Variants in MAD1L1 observed in about 807,000 individuals in gnomAD.
MAD1L1 encodes the protein mitotic spindle assembly checkpoint protein MAD1.
In MAD1L1, 95 loss-of-function variants were observed where a neutral mutation model predicts 96.9. The ratio of observed to expected loss-of-function variants is 0.98; its 90% CI spans 0.83 to 1.16. MAD1L1 has a LOEUF of 1.16. Ranked by LOEUF, MAD1L1 falls within the 50% of genes most tolerant of loss-of-function variation. The pLI is 0.00. For missense variants in MAD1L1, 1,007 were observed against 954.4 expected, an observed-to-expected ratio of 1.06 and a Z score of -0.73; for synonymous variants, 473 against 396.6, an observed-to-expected ratio of 1.19 and a Z score of -2.29.
intron 14 of MAD1L1, among the ~76,000 whole-genome samples, chr7:1,997,533 C>T (rs553609865): frequency 7.9e-5 from 12 of 152,394 alleles, no homozygotes; most frequent in Admixed American, 3.3e-4. Flanking sequence ...GGCGAGCTCC[C>T]GCTCAGGTTC....
At chr7:2,045,969 C>T (rs1291126779) in intron 12 of MAD1L1, among the ~76,000 whole-genome samples, 1 of 152,226 alleles carries the variant, frequency 6.6e-6, no homozygotes, top group Non-Finnish European at 1.5e-5. Context: ...CAGCCCTGCT[C>T]CCTGAGGGCC....
At chr7:1,829,875 A>T (rs1782620707) in intron 18 of MAD1L1, among the ~76,000 whole-genome samples, 1 of 152,262 alleles carries the variant, frequency 6.6e-6, no homozygotes, top group Non-Finnish European at 1.5e-5. Context: ...TGAGAATGAC[A>T]GCAGACTTCT....
chr7:2,153,150 C>G (rs1789662943), intron 10 of MAD1L1, among the ~76,000 whole-genome samples: 1 of 152,038 alleles, frequency 6.6e-6, no homozygotes, highest in South Asian at 2.1e-4. Context: ...GCTAAGACCT[C>G]AAAAGCACAG....
intron 11 of MAD1L1, among the ~76,000 whole-genome samples, chr7:2,101,866 A>C (rs1370062355): frequency 6.6e-6 from 1 of 152,150 alleles, no homozygotes; most frequent in African/African-American, 2.4e-5. Flanking sequence ...CCCACGCCTG[A>C]CACATGCTGG....
chr7:2,046,801 G>A (rs557965593), intron 12 of MAD1L1, among the ~76,000 whole-genome samples: 174 of 152,272 alleles, frequency 1.1e-3, no homozygotes, highest in African/African-American at 3.8e-3. Context: ...TAAGCTCCTA[G>A]GTGGAGGGCT....
chr7:1,829,826 AGAGG>A (rs1170184345), intron 18 of MAD1L1, among the ~76,000 whole-genome samples: 1 of 152,196 alleles, frequency 6.6e-6, no homozygotes, highest in Non-Finnish European at 1.5e-5. Context: ...AAAAGCAGTC[AGAGG>A]AAGAAATGAC....
intron 17 of MAD1L1, among the ~76,000 whole-genome samples, chr7:1,916,855 C>A (rs1307292578): frequency 6.6e-6 from 1 of 152,104 alleles, no homozygotes; most frequent in East Asian, 1.9e-4. Context: ...AGGCACGACC[C>A]TGGCGCATCT....
At chr7:2,037,225 T>A (rs1169789878) in intron 12 of MAD1L1, among the ~76,000 whole-genome samples, 6 of 146,670 alleles carry the variant, frequency 4.1e-5, no homozygotes, top group Admixed American at 2.0e-4. Flanking sequence ...TTTTTTTTTT[T>A]AGAACGGGTT....
intron 11 of MAD1L1, among the ~76,000 whole-genome samples, chr7:2,086,271 G>A (rs1219616400): frequency 6.6e-6 from 1 of 152,260 alleles, no homozygotes; most frequent in Non-Finnish European, 1.5e-5. Context: ...AAAGGAAGGT[G>A]CAGCTCAACA....
intron 13 of MAD1L1, among the ~76,000 whole-genome samples, chr7:2,010,833 C>T (rs1298162920): frequency 2.6e-5 from 4 of 152,118 alleles, no homozygotes; most frequent in Non-Finnish European, 4.4e-5. Context: ...CAGGGGCATG[C>T]GCAGGGCCGG....
chr7:2,169,434 T>C (rs1187494347), intron 10 of MAD1L1, among the ~76,000 whole-genome samples: 1 of 152,172 alleles, frequency 6.6e-6, no homozygotes, highest in African/African-American at 2.4e-5. Context: ...AAAAAAAGTA[T>C]TTAGGAACAT....
chr7:2,224,172 G>A (rs868825870), intron 4 of MAD1L1, among the ~76,000 whole-genome samples: 1 of 152,138 alleles, frequency 6.6e-6, no homozygotes, highest in Admixed American at 6.5e-5. Flanking sequence ...TCTCGGCCTA[G>A]AGGAACTCCA....
At chr7:2,125,217 G>A (rs1788174438) in intron 11 of MAD1L1, among the ~76,000 whole-genome samples, 1 of 152,176 alleles carries the variant, frequency 6.6e-6, no homozygotes, top group South Asian at 2.1e-4. Flanking sequence ...GTTGCCAGGT[G>A]CACTCCAGCA....
intron 18 of MAD1L1, among the ~76,000 whole-genome samples, chr7:1,893,261 TGGGAAGTCCTGGCTGGG>T (rs1310847757): frequency 1.2e-4 from 8 of 67,504 alleles, no homozygotes; most frequent in African/African-American, 1.2e-3. Context: ...CCGGCTGGGA[TGGGAAGTCCTGGCTGGG>T]ATGGGAAGTC....
At chr7:2,113,290 G>A (rs952824114) in intron 11 of MAD1L1, among the ~76,000 whole-genome samples, 3 of 152,188 alleles carry the variant, frequency 2.0e-5, no homozygotes, top group Non-Finnish European at 4.4e-5. Context: ...GTTTTTGTAA[G>A]AAATGGGGGC....
intron 10 of MAD1L1, among the ~76,000 whole-genome samples, chr7:2,161,241 A>T (rs1162950005): frequency 6.6e-6 from 1 of 150,840 alleles, no homozygotes; most frequent in Non-Finnish European, 1.5e-5. Flanking sequence ...TGAGTGCCTG[A>T]GATTGCAGGC....
At chr7:2,029,372 G>A (rs939174699) in intron 12 of MAD1L1, among the ~76,000 whole-genome samples, 3 of 152,186 alleles carry the variant, frequency 2.0e-5, no homozygotes, top group African/African-American at 7.2e-5. Context: ...CAGAACTGGC[G>A]TGTGAGAATC....
At chr7:1,838,783 C>T (rs1336267324) in intron 18 of MAD1L1, 2 of 471,146 alleles carry the variant, frequency 4.2e-6, no homozygotes. Context: ...AATCAAGCTG[C>T]TTCATGAGAA....
At chr7:2,001,091 T>G (rs1195347469) in intron 14 of MAD1L1, among the ~76,000 whole-genome samples, 1 of 152,204 alleles carries the variant, frequency 6.6e-6, no homozygotes, top group Non-Finnish European at 1.5e-5. Flanking sequence ...AGCACACCCC[T>G]GCCGGGTGGA....
Sources: allele counts gnomAD v4.1 joint callset (sites outside exome capture counted in the v4.1 genomes callset), GRCh38; gene constraint gnomAD v4.1.1; transcripts MANE v1.5; gene names NCBI Gene and HGNC (gene_info 2026-07-23, HGNC 2026-07-21).